SGCZ: variants seen among roughly 807,000 people sequenced by gnomAD.
The protein encoded by SGCZ is sarcoglycan zeta.
In SGCZ, 40 loss-of-function variants were observed where a neutral mutation model predicts 41.3. That is an observed-to-expected ratio of 0.97 (90% CI 0.75 to 1.26). SGCZ has a LOEUF of 1.26. SGCZ is among the 50% of genes most tolerant of loss of function. The probability of loss-of-function intolerance (pLI) is 0.00; values close to 1 mark genes in which losing one functional copy is unlikely to be tolerated. For missense variants in SGCZ, 552 were observed against 369.8 expected (o/e 1.49, Z -4.04); for synonymous variants, 206 against 137.5 (o/e 1.50, Z -3.49).
intron 1 of SGCZ, among the ~76,000 whole-genome samples, chr8:15,184,299 C>T (rs761365110): frequency 4.6e-5 from 7 of 152,210 alleles, no homozygotes; most frequent in South Asian, 2.1e-4. Context: ...AAAACAAACA[C>T]GGTGCATGTT....
At chr8:14,911,094 A>G (rs1799269023) in intron 1 of SGCZ, among the ~76,000 whole-genome samples, 1 of 152,064 alleles carries the variant, frequency 6.6e-6, no homozygotes, top group African/African-American at 2.4e-5. Context: ...TGTCTTCATG[A>G]GAAAAGAAGC....
intron 1 of SGCZ, among the ~76,000 whole-genome samples, chr8:14,595,977 A>G (rs117744470): frequency 6.8e-4 from 104 of 152,352 alleles, no homozygotes; most frequent in Non-Finnish European, 1.2e-3. Context: ...CATGTTTAAG[A>G]AGACACTACA....
chr8:15,196,259 G>A (rs116671540), intron 1 of SGCZ, among the ~76,000 whole-genome samples: 3,163 of 152,240 alleles, frequency 0.021, 105 homozygotes, highest in African/African-American at 0.072. Flanking sequence ...AGATGCCACT[G>A]TTTTAAATAC....
chr8:14,431,968 C>G (rs1342680358), intron 2 of SGCZ, among the ~76,000 whole-genome samples: 1 of 152,024 alleles, frequency 6.6e-6, no homozygotes, highest in African/African-American at 2.4e-5. Flanking sequence ...GCAAATCAAA[C>G]CACAATGCGA....
chr8:14,507,597 A>C (rs1802341746), intron 2 of SGCZ, among the ~76,000 whole-genome samples: 1 of 152,188 alleles, frequency 6.6e-6, no homozygotes, highest in African/African-American at 2.4e-5. Context: ...TTGCTTCTGC[A>C]ACACTGGTAT....
chr8:14,173,701 T>C (rs76581516), intron 4 of SGCZ, among the ~76,000 whole-genome samples: 3,394 of 151,870 alleles, frequency 0.022, 45 homozygotes, highest in Middle Eastern at 0.051. Flanking sequence ...ACTCAACTGA[T>C]GAAATGGAGC....
At chr8:14,629,350 ATGTAAAATACATTATCTAAATAAT>A (rs1360486468) in intron 1 of SGCZ, among the ~76,000 whole-genome samples, 1 of 65,186 alleles carries the variant, frequency 1.5e-5, no homozygotes, top group Non-Finnish European at 3.5e-5. Flanking sequence ...GGTAAGATTA[ATGTAAAATACATTATCTAAATAAT>A]GTAAAAATAA....
intron 1 of SGCZ, among the ~76,000 whole-genome samples, chr8:15,009,101 C>A (rs1802727301): frequency 6.6e-6 from 1 of 152,158 alleles, no homozygotes; most frequent in Admixed American, 6.5e-5. Context: ...TTTGTTCTCA[C>A]ACTGCCATAA....
At chr8:14,691,322 T>C (rs1808791271) in intron 1 of SGCZ, among the ~76,000 whole-genome samples, 1 of 152,224 alleles carries the variant, frequency 6.6e-6, no homozygotes, top group East Asian at 1.9e-4. Flanking sequence ...TTAGATAGTT[T>C]AAAGAAGCTA....
intron 1 of SGCZ, among the ~76,000 whole-genome samples, chr8:14,930,204 A>C (rs1176271955): frequency 6.6e-6 from 1 of 152,110 alleles, no homozygotes; most frequent in African/African-American, 2.4e-5. Context: ...TCTCAAAAGA[A>C]GACATTTATG....
intron 1 of SGCZ, among the ~76,000 whole-genome samples, chr8:14,670,048 G>A (rs778245165): frequency 1.3e-5 from 2 of 152,112 alleles, no homozygotes; most frequent in African/African-American, 2.4e-5. Flanking sequence ...CAGCTGTAAT[G>A]ATTTGTCAAA....
chr8:14,643,208 T>G lies in SGCZ; in HGVS notation c.40-88282A>C, dbSNP rs552539647. ...ATTTCCTGATTGGCATCACTGAACA[T>G]AGGAAGTCAACTCCACCTTTGAACG... is the stretch of plus-strand genomic sequence containing the variant. On this transcript the variant is annotated intron_variant, in intron 1 of 7. Coordinates refer to ENST00000382080, the MANE Select transcript of SGCZ (RefSeq NM_139167.4). 2.6e-5 allele frequency among the ~76,000 whole-genome samples: 4 copies of G among 151,616 alleles called. No individual in the cohort carries two copies. In the South Asian group the frequency reaches 8.3e-4, roughly 31 times the overall value.
chr8:14,202,241 C>T (rs928331977), intron 4 of SGCZ, among the ~76,000 whole-genome samples: 2 of 152,138 alleles, frequency 1.3e-5, no homozygotes, highest in Non-Finnish European at 2.9e-5. Context: ...GAAAGACAGT[C>T]ACGGGCCAAG....
intron 1 of SGCZ, among the ~76,000 whole-genome samples, chr8:15,031,261 T>C (rs1188754057): frequency 2.0e-5 from 3 of 152,140 alleles, no homozygotes; most frequent in Non-Finnish European, 2.9e-5. Flanking sequence ...AAACACAATT[T>C]CTTCTTAGTT....
intron 4 of SGCZ, among the ~76,000 whole-genome samples, chr8:14,235,175 C>T (rs17213822): frequency 6.6e-6 from 1 of 152,086 alleles, no homozygotes; most frequent in African/African-American, 2.4e-5. Flanking sequence ...ACCCAACCAA[C>T]TACTAAATAG....
chr8:15,228,139 G>T (rs1272669588), intron 1 of SGCZ, among the ~76,000 whole-genome samples: 1 of 152,026 alleles, frequency 6.6e-6, no homozygotes, highest in Non-Finnish European at 1.5e-5. Context: ...TAATGTTTTA[G>T]GAAATAAATG....
chr8:14,703,140 C>T (rs1260980094), intron 1 of SGCZ, among the ~76,000 whole-genome samples: 2 of 151,890 alleles, frequency 1.3e-5, no homozygotes, highest in Non-Finnish European at 2.9e-5. Context: ...ATGATGTTAT[C>T]ACCCTATTCA....
chr8:14,669,434 T>C (rs1428083844), intron 1 of SGCZ, among the ~76,000 whole-genome samples: 2 of 151,970 alleles, frequency 1.3e-5, no homozygotes, highest in Non-Finnish European at 2.9e-5. Context: ...TTACTAATCT[T>C]GAATAACTAA....
intron 2 of SGCZ, among the ~76,000 whole-genome samples, chr8:14,419,461 C>A (rs555481503): frequency 2.0e-5 from 3 of 151,818 alleles, no homozygotes; most frequent in African/African-American, 4.8e-5. Context: ...CTTTTGCTAT[C>A]CTCTATGAGA....
Sources: gnomAD v4.1 joint callset for allele counts (sites outside exome capture counted in the v4.1 genomes callset) on GRCh38, gnomAD v4.1.1 for gene constraint, MANE v1.5 for transcripts, NCBI Gene and HGNC (gene_info 2026-07-23, HGNC 2026-07-21) for gene names.